Variants in RGS3 observed in about 807,000 individuals in gnomAD.
The protein encoded by RGS3 is regulator of G protein signaling 3, also known as regulator of G-protein signalling 3.
A neutral mutation model predicts 132.6 loss-of-function variants in RGS3; 80 were observed. The observed-to-expected ratio is 0.60, with a 90% confidence interval of 0.50 to 0.73. The LOEUF (loss-of-function observed/expected upper bound fraction) is 0.73, where lower values mean the gene tolerates loss of function less well. Among genes scored for constraint, RGS3 ranks in the 30% least tolerant of loss-of-function variants. RGS3 has a pLI of 0.00. For missense variants in RGS3, 1,382 were observed against 1,530.8 expected, an observed-to-expected ratio of 0.90 and a Z score of 1.62; for synonymous variants, 598 against 620.6, an observed-to-expected ratio of 0.96 and a Z score of 0.54.
rs1554751010 is a variant in RGS3 at position 113,447,329 on chromosome 9, G to GTATGTA, written c.-13+2405_-13+2406insGTATAT. ...CCAATAAATTCTGATGTATGTATAT[G>GTATGTA]TATATATATATATATATATATATAT... On this transcript the variant is annotated intron_variant, in intron 1 of 25. Transcript: ENST00000374140. 1.8e-4 allele frequency among the ~76,000 whole-genome samples: 5 copies of GTATGTA among 27,558 alleles called. No homozygotes were observed. The Admixed American group carries it at 2.8e-3, about 15-fold the overall frequency. 18.1% of individuals were successfully genotyped at this position (27,558 alleles called of 152,430 possible).
intron 19 of RGS3, among the ~76,000 whole-genome samples, chr9:113,577,003 A>C (rs1164859379): frequency 6.6e-6 from 1 of 152,186 alleles, no homozygotes; most frequent in Middle Eastern, 3.2e-3. Flanking sequence ...TTTACTTTTG[A>C]GACAGAGTCT....
chr9:113,528,784 G>A (rs1039729015), intron 17 of RGS3, among the ~76,000 whole-genome samples: 8 of 152,210 alleles, frequency 5.3e-5, no homozygotes, highest in Non-Finnish European at 8.8e-5. Flanking sequence ...ATTCCTTGGC[G>A]GAAAACAAGC....
chr9:113,502,737 G>A (rs1304487869), intron 10 of RGS3, among the ~76,000 whole-genome samples: 1 of 152,198 alleles, frequency 6.6e-6, no homozygotes, highest in Non-Finnish European at 1.5e-5. Flanking sequence ...TGGACCTAGG[G>A]CTCAGGGACT....
At position 113,506,646 on chromosome 9, in the gene RGS3, T is replaced by C. The variant is rs1831145916; in HGVS notation, c.1085+153T>C. Among the ~76,000 whole-genome samples the C allele has an allele frequency of 6.6e-6, 1 of 152,210 alleles. No homozygotes were observed. Among genetic ancestry groups the C allele is most frequent in the Non-Finnish European group, 1.5e-5 (1 of 68,042 alleles). ...CCTTTTGCTCTTCAAGGAATCTGTT[T>C]CTTGGCCTGAGAATGGAAGGTTCAG... is the stretch of plus-strand genomic sequence containing the variant. On this transcript the variant is annotated intron_variant, in intron 12 of 24. Coordinates refer to ENST00000350696, the Ensembl canonical transcript of RGS3. The surrounding 1 kb of genome is among the most constrained non-coding windows in gnomAD (Gnocchi z 4.7).
chr9:113,527,202 A>G (rs1564529265), intron 17 of RGS3, among the ~76,000 whole-genome samples: 1 of 152,222 alleles, frequency 6.6e-6, no homozygotes, highest in Non-Finnish European at 1.5e-5. Flanking sequence ...GCCATAGGAA[A>G]TATGTCTCAG....
chr9:113,465,439 C>CTCTGTGTG (rs1554754558), intron 3 of RGS3, among the ~76,000 whole-genome samples: 1 of 135,310 alleles, frequency 7.4e-6, no homozygotes, highest in Non-Finnish European at 1.6e-5. Context: ...ACACCTATTT[C>CTCTGTGTG]TGTGTGTGTG....
chr9:113,584,620 C>A (rs1835030660), intron 20 of RGS3, among the ~76,000 whole-genome samples, 193 bp downstream of exon 18: 1 of 152,210 alleles, frequency 6.6e-6, no homozygotes, highest in African/African-American at 2.4e-5. Context: ...TGGACTTAAA[C>A]ACATGACTTT....
chr9:113,448,030 A>G (rs1360955883), intron 1 of RGS3, among the ~76,000 whole-genome samples: 1 of 150,984 alleles, frequency 6.6e-6, no homozygotes, highest in African/African-American at 2.4e-5. Context: ...GCTATTTTTT[A>G]TATTTTTTGT....
Position 113,591,106 on chromosome 9 carries a change from G to A in RGS3, c.3016-227G>A, listed in dbSNP as rs927124454. On this transcript the variant is annotated intron_variant, in intron 20 of 24. Transcript: ENST00000350696. This position sits in a 1 kb window ranked among gnomAD's most constrained non-coding sequence, Gnocchi z 4.4. ...TCCCCAGTGAGCTGGGGACCTGACT[G>A]TCCCAGGAGGAGATCCCTGTGGCCG... is the stretch of plus-strand genomic sequence containing the variant. 3.9e-5 allele frequency among the ~76,000 whole-genome samples: 6 copies of A among 152,218 alleles called. No homozygotes were observed. The highest frequency in any genetic ancestry group is 1.4e-4 in the African/African-American group (6 of 41,454).
intron 19 of RGS3, among the ~76,000 whole-genome samples, chr9:113,576,317 A>G (rs536810016): frequency 6.6e-6 from 1 of 151,282 alleles, no homozygotes; most frequent in South Asian, 2.1e-4. Context: ...GGTCCTGTGA[A>G]GTTCACTGGA....
chr9:113,564,851 G>A, intron 19 of RGS3: 1 of 886,464 alleles, frequency 1.1e-6, no homozygotes, highest in East Asian at 1.2e-4. Flanking sequence ...GCGTGTGCTG[G>A]CTGCAGGAGC....
At chr9:113,472,459 A>G (rs1183649260) in intron 3 of RGS3, among the ~76,000 whole-genome samples, 1 of 152,242 alleles carries the variant, frequency 6.6e-6, no homozygotes, top group African/African-American at 2.4e-5. Flanking sequence ...TAAAATACTG[A>G]TACGTGCTAC....
intron 19 of RGS3, among the ~76,000 whole-genome samples, chr9:113,563,114 T>C (rs1474626184): frequency 6.6e-6 from 1 of 152,234 alleles, no homozygotes; most frequent in Non-Finnish European, 1.5e-5. Flanking sequence ...GCTCTACCCT[T>C]TCCTCACCAT....
chr9:113,559,018 C>T (rs1391496065), intron 19 of RGS3, among the ~76,000 whole-genome samples: 1 of 152,190 alleles, frequency 6.6e-6, no homozygotes, highest in Non-Finnish European at 1.5e-5. Flanking sequence ...CCAGGGTTCG[C>T]AGAAGGCAGC....
chr9:113,569,639 T>C lies in RGS3; in HGVS notation c.2038-13811T>C, dbSNP rs79054265. Among the ~76,000 whole-genome samples, 71 of 146,544 alleles carry C rather than the reference T, an allele frequency of 4.8e-4. 1 individual carries two copies. The East Asian group carries it at 0.012, about 25-fold the overall frequency. On this transcript the variant is annotated intron_variant, in intron 19 of 24. Transcript: ENST00000350696. ...CTTCCTTCCTTCCTTCCTTCCTTCC[T>C]TCCCTCCTTCCTTCCATGTGTGTTA...
In RGS3 at chr9:113,553,680, A is replaced by G. The variant is rs565691564; in HGVS notation, c.2037+16762A>G. ...AACATGGCGAAAGCCCATCTCTACT[A>G]AAAAATACAAAAATTAGCCAGGTGT... On this transcript the variant is annotated intron_variant, in intron 19 of 24. Coordinates refer to ENST00000350696, the Ensembl canonical transcript of RGS3. 2.6e-5 allele frequency among the ~76,000 whole-genome samples: 4 copies of G among 151,412 alleles called. No individual in the cohort carries two copies. The South Asian group carries it at 8.3e-4, about 32-fold the overall frequency.
At chr9:113,578,677 A>G (rs76702196) in intron 19 of RGS3, among the ~76,000 whole-genome samples, 2,082 of 152,290 alleles carry the variant, frequency 0.014, 42 homozygotes, top group African/African-American at 0.048. Flanking sequence ...TGAGCCATCA[A>G]GGTTCCTGGA....
chr9:113,502,157 G>A (rs1157127209), intron 10 of RGS3, among the ~76,000 whole-genome samples: 3 of 152,176 alleles, frequency 2.0e-5, no homozygotes, highest in African/African-American at 7.2e-5. Context: ...TTTACAGTGA[G>A]GGTTTGGCCT....
chr9:113,482,971 A>T, intron 4 of RGS3, 88 bp from the exon 3 acceptor site: 1 of 1,606,200 alleles, frequency 6.2e-7, no homozygotes, highest in Middle Eastern at 1.7e-4. Flanking sequence ...ATTCGTGTGG[A>T]TGGATATGTC....
Sources: allele counts gnomAD v4.1 joint callset (sites outside exome capture counted in the v4.1 genomes callset), GRCh38; gene constraint gnomAD v4.1.1; non-coding constraint Gnocchi (gnomAD v3.1); transcripts MANE v1.5; gene names NCBI Gene and HGNC (gene_info 2026-07-23, HGNC 2026-07-21).